Variants in MINPP1 observed in about 807,000 individuals in gnomAD.
MINPP1 encodes multiple inositol-polyphosphate phosphatase 1, also known as multiple inositol polyphosphate phosphatase 1.
MINPP1 carries 28 observed loss-of-function variants against 46.1 expected under a neutral mutation model. The observed-to-expected ratio is 0.61, with a 90% CI of 0.45 to 0.83. MINPP1 has a LOEUF of 0.83. Ranked by LOEUF, MINPP1 falls within the 40% of genes least tolerant of loss-of-function variation. MINPP1 has a pLI of 0.00. For missense variants in MINPP1, 603 were observed against 610.0 expected (o/e 0.99, Z 0.12); for synonymous variants, 268 against 249.1 (o/e 1.08, Z -0.72).
At chr10:87,520,562 C>T (rs1320573270) in intron 3 of MINPP1, among the ~76,000 whole-genome samples, 1 of 152,120 alleles carries the variant, frequency 6.6e-6, no homozygotes, top group South Asian at 2.1e-4. Flanking sequence ...TCTACCTTCT[C>T]AAAATTCTTA....
intron 4 of MINPP1, among the ~76,000 whole-genome samples, chr10:87,531,074 T>C (rs1851653127): frequency 6.6e-6 from 1 of 152,024 alleles, no homozygotes; most frequent in Non-Finnish European, 1.5e-5. Context: ...AGGATGGGAG[T>C]GTCCTGATTT....
intron 4 of MINPP1, among the ~76,000 whole-genome samples, chr10:87,527,807 G>T (rs1308986494): frequency 6.6e-6 from 1 of 152,144 alleles, no homozygotes; most frequent in African/African-American, 2.4e-5. Flanking sequence ...TGTACCTCTT[G>T]TAGAATTTGG....
chr10:87,529,968 T>C (rs1383697248), intron 4 of MINPP1, among the ~76,000 whole-genome samples: 1 of 152,240 alleles, frequency 6.6e-6, no homozygotes, highest in Non-Finnish European at 1.5e-5. Context: ...CTTCAATCAC[T>C]GATACCCTTT....
intron 4 of MINPP1, among the ~76,000 whole-genome samples, chr10:87,537,763 G>A (rs1201500200): frequency 9.9e-5 from 15 of 151,600 alleles, no homozygotes; most frequent in Non-Finnish European, 2.9e-5. Context: ...TTTTGTGTTA[G>A]CTTTGGGAAT....
chr10:87,508,729 G>T (rs979445605), intron 2 of MINPP1, among the ~76,000 whole-genome samples, 196 bp downstream of exon 2: 1 of 152,074 alleles, frequency 6.6e-6, no homozygotes, highest in Non-Finnish European at 1.5e-5. Context: ...TCTTCTTTGA[G>T]TGTTATTTAA....
intron 4 of MINPP1, among the ~76,000 whole-genome samples, chr10:87,550,659 C>G (rs1486009632): frequency 6.6e-6 from 1 of 151,838 alleles, no homozygotes; most frequent in Non-Finnish European, 1.5e-5. Flanking sequence ...CTCACAGAGC[C>G]CCCCCGTTCT....
chr10:87,505,142 G>T lies in MINPP1; in HGVS notation c.227G>T (p.Gly76Val). 6.2e-7 allele frequency: 1 copy of T among 1,611,704 alleles called. No individual in the cohort carries two copies. The highest frequency in any genetic ancestry group is 1.1e-5 in the South Asian group (1 of 90,732). ...APWRDPELLE[G>V]TCTPVQLVAL... The stretch of plus-strand genomic sequence containing the variant: ...TGGCGGGACCCTGAGCTGCTGGAGG[G>T]GACCTGCACCCCGGTGCAGCTGGTC... Residue 76 changes from glycine (G) to valine (V), a missense_variant, in exon 1 of 5, where the codon GGG becomes GTG. This residue lies in a region of MINPP1 where 239 missense variants were observed against 189.4 expected (regional missense o/e 1.26). Transcript: ENST00000371996. The surrounding 1 kb of genome is among the most constrained non-coding windows in gnomAD (Gnocchi z 4.4).
chr10:87,530,420 T>A (rs905407005), intron 4 of MINPP1, among the ~76,000 whole-genome samples: 1 of 152,238 alleles, frequency 6.6e-6, no homozygotes, highest in Non-Finnish European at 1.5e-5. Context: ...TTTGTTAGTT[T>A]TCCTTCTAAC....
chr10:87,511,161 TA>T (rs1394606763), intron 2 of MINPP1, among the ~76,000 whole-genome samples: 2 of 152,224 alleles, frequency 1.3e-5, no homozygotes, highest in Non-Finnish European at 2.9e-5. Flanking sequence ...ACCTTTTATG[TA>T]TTATGGATAT....
chr10:87,537,793 G>A (rs943844463), intron 4 of MINPP1, among the ~76,000 whole-genome samples: 2 of 150,728 alleles, frequency 1.3e-5, no homozygotes, highest in Admixed American at 1.3e-4. Flanking sequence ...TTTTTTAGAC[G>A]GGGTCTCACT....
At chr10:87,529,658 T>C (rs1383640968) in intron 4 of MINPP1, among the ~76,000 whole-genome samples, 2 of 152,220 alleles carry the variant, frequency 1.3e-5, no homozygotes, top group Non-Finnish European at 2.9e-5. Context: ...ATTTCAACTT[T>C]AGTGAATCTG....
chr10:87,529,304 C>T (rs372303648), intron 4 of MINPP1, among the ~76,000 whole-genome samples: 1 of 152,286 alleles, frequency 6.6e-6, no homozygotes, highest in Non-Finnish European at 1.5e-5. Flanking sequence ...TTCCTAGCCT[C>T]GATGGTCTTT....
chr10:87,506,432 A>G (rs2131796345), intron 1 of MINPP1, among the ~76,000 whole-genome samples: 1 of 152,310 alleles, frequency 6.6e-6, no homozygotes. Context: ...TATGCCAGGT[A>G]TGCCTCACAT....
intron 4 of MINPP1, among the ~76,000 whole-genome samples, chr10:87,537,944 A>G (rs1426438387): frequency 6.6e-6 from 1 of 151,632 alleles, no homozygotes; most frequent in Admixed American, 6.6e-5. Flanking sequence ...TAATCCTTAA[A>G]AAATTTTTAA....
intron 4 of MINPP1, among the ~76,000 whole-genome samples, chr10:87,537,255 G>A (rs953460975): frequency 1.3e-5 from 2 of 152,090 alleles, no homozygotes; most frequent in African/African-American, 2.4e-5. Flanking sequence ...CACTTTTTAA[G>A]AAACTGCCAA....
rs748293386 is a variant in MINPP1 at position 87,552,203 on chromosome 10, A to C, written c.1189A>C (p.Lys397Gln). The C allele has an allele frequency of 6.2e-7, 1 of 1,613,856 alleles. No homozygotes were observed. Among genetic ancestry groups the C allele is most frequent in the Non-Finnish European group, 8.5e-7 (1 of 1,179,842 alleles). Reference protein sequence around the residue: ...KEPLTAYNYKKQMHRKFRSGL... With the variant: ...KEPLTAYNYKQQMHRKFRSGL... ...ACCCCTAACAGCGTACAATTACAAAAAACAAATGCATCGGAAGTTCCGAAG... is the reference window on the plus strand; with the variant it reads ...ACCCCTAACAGCGTACAATTACAAACAACAAATGCATCGGAAGTTCCGAAG... The change falls in exon 5 of 5, where the codon AAA becomes CAA. Residue 397 changes from lysine to glutamine, a missense_variant. Lys to Gln is a moderately conservative substitution (Grantham distance 53, BLOSUM62 1). Coordinates refer to ENST00000371996, the MANE Select transcript of MINPP1 (RefSeq NM_004897.5).
At chr10:87,519,848 A>G (rs1354630648) in intron 3 of MINPP1, among the ~76,000 whole-genome samples, 2 of 152,202 alleles carry the variant, frequency 1.3e-5, no homozygotes, top group Non-Finnish European at 2.9e-5. Flanking sequence ...AGTTCTAGAT[A>G]GAGATTTCAG....
intron 4 of MINPP1, among the ~76,000 whole-genome samples, chr10:87,538,635 T>G (rs1158630766): frequency 6.6e-6 from 1 of 152,236 alleles, no homozygotes; most frequent in African/African-American, 2.4e-5. Context: ...AAATACTCAC[T>G]GGAACTGATG....
At chr10:87,540,885 G>A (rs1851806892) in intron 4 of MINPP1, among the ~76,000 whole-genome samples, 1 of 152,136 alleles carries the variant, frequency 6.6e-6, no homozygotes, top group South Asian at 2.1e-4. Context: ...TACAGTCCTG[G>A]CATATACCTT....
Sources: gnomAD v4.1 joint callset for allele counts (sites outside exome capture counted in the v4.1 genomes callset) on GRCh38, gnomAD v4.1.1 for gene constraint, gnomAD v4.1.1 regional missense constraint, Gnocchi (gnomAD v3.1) non-coding constraint, MANE v1.5 for transcripts, NCBI Gene and HGNC (gene_info 2026-07-23, HGNC 2026-07-21) for gene names.